CCDC178: variants seen among roughly 807,000 people sequenced by gnomAD.
CCDC178 encodes coiled-coil domain-containing protein 178.
In CCDC178, 126 loss-of-function variants were observed where a neutral mutation model predicts 117.4. That is an observed-to-expected ratio of 1.07 (90% CI 0.93 to 1.24). The LOEUF (loss-of-function observed/expected upper bound fraction) is 1.24. Ranked by LOEUF, CCDC178 falls within the 50% of genes most tolerant of loss-of-function variation. The pLI, the probability that CCDC178 is intolerant of heterozygous loss-of-function variation, is 0.00. For synonymous variants in CCDC178, 283 were observed against 313.4 expected (o/e 0.90, Z 1.02); for missense variants, 1,030 against 986.9 (o/e 1.04, Z -0.59).
At chr18:33,188,630 A>G (rs906728448) in intron 20 of CCDC178, among the ~76,000 whole-genome samples, 15 of 152,144 alleles carry the variant, frequency 9.9e-5, no homozygotes, top group African/African-American at 3.6e-4. Context: ...ATGGGCAATA[A>G]CCAGCAACTA....
intron 11 of CCDC178, 35 bp from the exon 12 acceptor site, chr18:33,293,347 TAAAAGAA>T: frequency 7.7e-7 from 1 of 1,292,822 alleles, no homozygotes; most frequent in Non-Finnish European, 1.1e-6. Context: ...TTATTCACAT[TAAAAGAA>T]AAAATATATT....
At chr18:32,955,287 C>A (rs2054571311) in intron 22 of CCDC178, among the ~76,000 whole-genome samples, 1 of 152,180 alleles carries the variant, frequency 6.6e-6, no homozygotes, top group Non-Finnish European at 1.5e-5. Context: ...CTCCTGTTAT[C>A]TCTTCACACT....
intron 21 of CCDC178, among the ~76,000 whole-genome samples, chr18:32,977,058 T>G (rs977503875): frequency 6.6e-6 from 1 of 152,160 alleles, no homozygotes. Flanking sequence ...GTCAACTTTC[T>G]CAATTCTTGT....
intron 22 of CCDC178, among the ~76,000 whole-genome samples, chr18:32,971,490 G>A (rs1189747670): frequency 6.6e-6 from 1 of 152,118 alleles, no homozygotes; most frequent in African/African-American, 2.4e-5. Context: ...ACATACATGT[G>A]CATATGTCTT....
intron 22 of CCDC178, among the ~76,000 whole-genome samples, chr18:32,961,723 C>G (rs2054706899): frequency 6.6e-6 from 1 of 152,054 alleles, no homozygotes; most frequent in Non-Finnish European, 1.5e-5. Flanking sequence ...CTATGATAAT[C>G]TAATGCTGCC....
intron 20 of CCDC178, among the ~76,000 whole-genome samples, chr18:33,199,526 C>T (rs971824346): frequency 1.4e-4 from 22 of 152,176 alleles, no homozygotes; most frequent in Non-Finnish European, 4.4e-5. Flanking sequence ...ACTTCAATTA[C>T]ACATTCCATT....
At chr18:33,004,030 C>CA (rs992930102) in intron 21 of CCDC178, among the ~76,000 whole-genome samples, 7 of 151,786 alleles carry the variant, frequency 4.6e-5, no homozygotes, top group Non-Finnish European at 8.8e-5. Flanking sequence ...GAAAAGGACA[C>CA]AAAAAAATAG....
At chr18:33,176,260 T>C (rs1335296737) in intron 20 of CCDC178, among the ~76,000 whole-genome samples, 1 of 152,190 alleles carries the variant, frequency 6.6e-6, no homozygotes, top group Non-Finnish European at 1.5e-5. Context: ...TCTGACACTC[T>C]TAGAGTGCTT....
intron 21 of CCDC178, among the ~76,000 whole-genome samples, chr18:33,013,972 G>A (rs1192962098): frequency 6.6e-6 from 1 of 152,130 alleles, no homozygotes; most frequent in East Asian, 1.9e-4. Flanking sequence ...GTCAAAAATC[G>A]ACCTTGACTT....
At chr18:33,247,841 G>A (rs1466567737) in intron 14 of CCDC178, among the ~76,000 whole-genome samples, 1 of 151,838 alleles carries the variant, frequency 6.6e-6, no homozygotes, top group African/African-American at 2.4e-5. Context: ...TGAATGTGTG[G>A]TGTGTGTTTG....
intron 12 of CCDC178, among the ~76,000 whole-genome samples, chr18:33,276,884 A>G (rs1456544111): frequency 6.6e-6 from 1 of 152,180 alleles, no homozygotes; most frequent in African/African-American, 2.4e-5. Flanking sequence ...TAGAGGCAGA[A>G]AAGATTCTTG....
intron 21 of CCDC178, among the ~76,000 whole-genome samples, chr18:33,053,543 AAT>A (rs1269477164): frequency 6.6e-6 from 1 of 152,196 alleles, no homozygotes; most frequent in East Asian, 1.9e-4. Flanking sequence ...GTAACTCCAA[AAT>A]AAGAGTTTCC....
chr18:33,420,514 C>T (rs2064009982), intron 2 of CCDC178, among the ~76,000 whole-genome samples: 7 of 152,046 alleles, frequency 4.6e-5, no homozygotes, highest in Admixed American at 4.6e-4. Flanking sequence ...CCCCAACACT[C>T]GGCTAATTTT....
intron 22 of CCDC178, among the ~76,000 whole-genome samples, chr18:32,943,435 G>T (rs1011346593): frequency 6.6e-6 from 1 of 151,916 alleles, no homozygotes; most frequent in South Asian, 2.1e-4. Context: ...TTTTCTTTTA[G>T]GAAACTAGTG....
intron 22 of CCDC178, among the ~76,000 whole-genome samples, chr18:32,970,756 T>C (rs998241107): frequency 1.3e-5 from 2 of 152,028 alleles, no homozygotes; most frequent in African/African-American, 4.8e-5. Flanking sequence ...CCAGGGAGAA[T>C]TGAAAGGATT....
intron 19 of CCDC178, among the ~76,000 whole-genome samples, chr18:33,212,604 T>C (rs898099301): frequency 1.4e-4 from 21 of 152,118 alleles, no homozygotes; most frequent in Non-Finnish European, 2.4e-4. Context: ...GCCTTTTTTA[T>C]TGTTTAAGCT....
intron 10 of CCDC178, among the ~76,000 whole-genome samples, chr18:33,326,470 G>A (rs2145022492): frequency 6.6e-6 from 1 of 152,248 alleles, no homozygotes; most frequent in East Asian, 1.9e-4. Flanking sequence ...GGTAAAATAT[G>A]TGCCTTGGCT....
chr18:33,395,442 C>G (rs1334667637), intron 4 of CCDC178, among the ~76,000 whole-genome samples: 4 of 151,918 alleles, frequency 2.6e-5, no homozygotes, highest in Non-Finnish European at 5.9e-5. Flanking sequence ...ATAACCACCC[C>G]AATGACCTCT....
intron 20 of CCDC178, among the ~76,000 whole-genome samples, chr18:33,167,204 A>G (rs271460): frequency 0.092 from 14,056 of 152,118 alleles, 801 homozygotes; most frequent in African/African-American, 0.16. Flanking sequence ...GGTTGATTCC[A>G]TCTCTTTACT....
Sources: allele counts gnomAD v4.1 joint callset (sites outside exome capture counted in the v4.1 genomes callset), GRCh38; gene constraint gnomAD v4.1.1; transcripts MANE v1.5; gene names NCBI Gene and HGNC (gene_info 2026-07-23, HGNC 2026-07-21).